The following PCDH9 variants were observed in gnomAD, a reference collection of about 807,000 sequenced individuals.
The protein encoded by PCDH9 is protocadherin-9.
In PCDH9, 24 loss-of-function variants were observed where a neutral mutation model predicts 70.6. The observed-to-expected ratio is 0.34, with a 90% CI of 0.25 to 0.48. PCDH9 has a LOEUF of 0.48. PCDH9 is among the 20% of genes least tolerant of loss of function. PCDH9 has a pLI of 0.99. For missense variants in PCDH9, 1,281 were observed against 1,503.6 expected, an observed-to-expected ratio of 0.85 and a Z score of 2.45; for synonymous variants, 562 against 558.5, an observed-to-expected ratio of 1.01 and a Z score of -0.09.
intron 2 of PCDH9, among the ~76,000 whole-genome samples, chr13:67,096,731 G>A (rs1242480392): frequency 6.6e-6 from 1 of 152,058 alleles, no homozygotes; most frequent in African/African-American, 2.4e-5. Flanking sequence ...TCTTTTCATA[G>A]TAAATGTAAA....
intron 3 of PCDH9, among the ~76,000 whole-genome samples, chr13:66,835,796 T>G: frequency 6.6e-6 from 1 of 152,178 alleles, no homozygotes; most frequent in Non-Finnish European, 1.5e-5. Flanking sequence ...CTGCTTTTAA[T>G]TTGACTATCC....
At chr13:66,658,611 T>C (rs1273261020) in intron 3 of PCDH9, among the ~76,000 whole-genome samples, 2 of 152,188 alleles carry the variant, frequency 1.3e-5, no homozygotes, top group African/African-American at 4.8e-5. Context: ...CACTCATTTG[T>C]TTATTCACAA....
chr13:66,635,577 G>T, intron 3 of PCDH9, among the ~76,000 whole-genome samples: 1 of 151,858 alleles, frequency 6.6e-6, no homozygotes, highest in Admixed American at 6.6e-5. Context: ...CTTTTTTCTT[G>T]CAGCTTAGAA....
chr13:67,189,753 T>C (rs952636048), intron 2 of PCDH9, among the ~76,000 whole-genome samples: 1 of 151,890 alleles, frequency 6.6e-6, no homozygotes, highest in African/African-American at 2.4e-5. Context: ...CCTAAGTGGA[T>C]GAAGGAGAAA....
intron 2 of PCDH9, among the ~76,000 whole-genome samples, chr13:67,113,586 C>T (rs1299996141): frequency 6.6e-6 from 1 of 151,554 alleles, no homozygotes; most frequent in Non-Finnish European, 1.5e-5. Context: ...CTCGCTCTGT[C>T]GCCCAGGCTG....
At chr13:66,425,517 T>C (rs184224190) in intron 4 of PCDH9, among the ~76,000 whole-genome samples, 2 of 151,446 alleles carry the variant, frequency 1.3e-5, no homozygotes. Context: ...GAAAAGAAAC[T>C]TCACTCCAGT....
chr13:67,040,222 C>A (rs1405407969), intron 2 of PCDH9, among the ~76,000 whole-genome samples: 4 of 152,058 alleles, frequency 2.6e-5, no homozygotes, highest in African/African-American at 4.8e-5. Flanking sequence ...TGAAACTTAG[C>A]CCCCAGTGTG....
Position 66,724,120 on chromosome 13 carries a change from A to G in PCDH9, c.3139-92709T>C, listed in dbSNP as rs917627978. Among the ~76,000 whole-genome samples the G allele has an allele frequency of 1.4e-4, 22 of 152,202 alleles. 2 individuals carry two copies. Among genetic ancestry groups the G allele is most frequent in the Admixed American group, 1.2e-3 (19 of 15,278 alleles). Reference sequence around the variant, plus strand: ...GAATTTTTCTTTTTTCTCTTTAGAAAATTTACTGATTCTTTCCAAATGACC... The same window carrying G: ...GAATTTTTCTTTTTTCTCTTTAGAAGATTTACTGATTCTTTCCAAATGACC... On this transcript the variant is annotated intron_variant, in intron 3 of 4. Coordinates refer to ENST00000377865, the MANE Select transcript of PCDH9 (RefSeq NM_203487.3).
intron 3 of PCDH9, among the ~76,000 whole-genome samples, chr13:66,713,661 C>T (rs966742845): frequency 2.5e-4 from 21 of 83,652 alleles, no homozygotes; most frequent in Non-Finnish European, 4.6e-4. Context: ...ATAATGTACA[C>T]ACACATCCAG....
chr13:66,555,125 C>CTTGT (rs1961671323), intron 4 of PCDH9, among the ~76,000 whole-genome samples: 2 of 140,458 alleles, frequency 1.4e-5, no homozygotes, highest in African/African-American at 2.5e-5. Context: ...GCCAAGAACA[C>CTTGT]GCCATTGCAC....
chr13:66,476,044 T>C (rs1404862495), intron 4 of PCDH9, among the ~76,000 whole-genome samples: 2 of 152,086 alleles, frequency 1.3e-5, no homozygotes, highest in Non-Finnish European at 2.9e-5. Flanking sequence ...GCCCTCTCCA[T>C]TGTGCCCCTT....
At chr13:66,479,872 G>A (rs1409729573) in intron 4 of PCDH9, among the ~76,000 whole-genome samples, 1 of 152,180 alleles carries the variant, frequency 6.6e-6, no homozygotes, top group Admixed American at 6.5e-5. Flanking sequence ...GCAGGACGTG[G>A]GCAGGGACAA....
chr13:66,975,440 T>A (rs1046369251), intron 2 of PCDH9, among the ~76,000 whole-genome samples: 4 of 151,960 alleles, frequency 2.6e-5, no homozygotes, highest in Non-Finnish European at 4.4e-5. Context: ...CTAAAAACCA[T>A]CCCGCTAGGT....
At chr13:66,374,004 G>A (rs1024417835) in intron 4 of PCDH9, among the ~76,000 whole-genome samples, 1 of 152,046 alleles carries the variant, frequency 6.6e-6, no homozygotes, top group Non-Finnish European at 1.5e-5. Flanking sequence ...ATCATCTGCC[G>A]ACCTCCTTGA....
At chr13:67,196,346 G>A (rs181868111) in intron 2 of PCDH9, among the ~76,000 whole-genome samples, 1 of 152,162 alleles carries the variant, frequency 6.6e-6, no homozygotes, top group Admixed American at 6.5e-5. Context: ...TGGACTGAGA[G>A]AGAATGGTAC....
At chr13:67,208,202 T>G (rs1435654750) in intron 2 of PCDH9, 1 of 152,224 alleles carries the variant, frequency 6.6e-6, no homozygotes, top group Non-Finnish European at 1.5e-5. Context: ...AATCAATTAA[T>G]GCCCTAAATA....
intron 2 of PCDH9, among the ~76,000 whole-genome samples, chr13:67,012,482 C>T (rs1313496119): frequency 6.6e-6 from 1 of 151,730 alleles, no homozygotes; most frequent in African/African-American, 2.4e-5. Flanking sequence ...AAAGAAAAAA[C>T]AACAAAAACA....
At chr13:66,743,047 A>G (rs1306847176) in intron 3 of PCDH9, among the ~76,000 whole-genome samples, 10 of 87,458 alleles carry the variant, frequency 1.1e-4, no homozygotes, top group African/African-American at 2.8e-4. Flanking sequence ...ACGCACACGT[A>G]TGTTTATTGC....
At chr13:66,772,297 C>A (rs1217890661) in intron 3 of PCDH9, among the ~76,000 whole-genome samples, 2 of 152,162 alleles carry the variant, frequency 1.3e-5, no homozygotes, top group Admixed American at 6.5e-5. Context: ...TCTCAAAACT[C>A]CCATCTTTTG....
Sources: allele counts gnomAD v4.1 joint callset (sites outside exome capture counted in the v4.1 genomes callset), GRCh38; gene constraint gnomAD v4.1.1; transcripts MANE v1.5; gene names NCBI Gene and HGNC (gene_info 2026-07-23, HGNC 2026-07-21).